Variants in MICALL1 observed in about 807,000 individuals in gnomAD.
The protein encoded by MICALL1 is MICAL-like protein 1.
Under a neutral mutation model 83.7 loss-of-function variants are expected in MICALL1, and 61 were observed. The ratio of observed to expected loss-of-function variants is 0.73; its 90% CI spans 0.59 to 0.90. The LOEUF is 0.90. Among genes scored for constraint, MICALL1 ranks in the 40% least tolerant of loss-of-function variants. The pLI is 0.00. For missense variants in MICALL1, 1,066 were observed against 1,152.0 expected, an observed-to-expected ratio of 0.93 and a Z score of 1.08; for synonymous variants, 481 against 473.6, an observed-to-expected ratio of 1.02 and a Z score of -0.20.
Position 37,914,180 on chromosome 22 carries a change from C to T in MICALL1, c.337+1688C>T, listed in dbSNP as rs527795668. On this transcript the variant is annotated intron_variant, in intron 3 of 15. Transcript: ENST00000215957. ...CATGAGCCACTGCGCCCGGCCCTGGCCCAACTCTTTAAAGTGTTTTATGAA... is the reference window on the plus strand; with the variant it reads ...CATGAGCCACTGCGCCCGGCCCTGGTCCAACTCTTTAAAGTGTTTTATGAA... 2.7e-5 allele frequency among the ~76,000 whole-genome samples: 4 copies of T among 147,688 alleles called. No individual in the cohort carries two copies. The South Asian group carries it at 8.7e-4, about 32-fold the overall frequency.
intron 1 of MICALL1, among the ~76,000 whole-genome samples, chr22:37,910,764 T>C (rs5995517): frequency 0.4 from 60,754 of 152,024 alleles, 12,356 homozygotes; most frequent in Middle Eastern, 0.41. Context: ...TGTGCTTACC[T>C]GGCTCCCTCA....
At chr22:37,913,675 C>G (rs1928482671) in intron 3 of MICALL1, among the ~76,000 whole-genome samples, 2 of 152,084 alleles carry the variant, frequency 1.3e-5, no homozygotes, top group Admixed American at 6.6e-5. Context: ...GCTGGGCCTC[C>G]CCTTCTGCAG....
At chr22:37,914,917 C>T (rs1043122703) in intron 3 of MICALL1, among the ~76,000 whole-genome samples, 1 of 149,792 alleles carries the variant, frequency 6.7e-6, no homozygotes, top group Non-Finnish European at 1.5e-5. Context: ...GCTGGGATTA[C>T]AGGCATGAGC....
chr22:37,927,400 C>A lies in MICALL1; in HGVS notation c.1466-11C>A, dbSNP rs191088167. The A allele has an allele frequency of 6.4e-7, 1 of 1,561,240 alleles. No individual in the cohort carries two copies. Among genetic ancestry groups the A allele is most frequent in the South Asian group, 1.1e-5 (1 of 87,114 alleles). ...TCCCCTTGTGAGGTGTCCTGGTGCT[C>A]GTCCGCACAGCTCTCCACGCCTCCC... On this transcript the variant is annotated splice_polypyrimidine_tract_variant and intron_variant, in intron 8 of 15. Transcript: ENST00000215957.
intron 3 of MICALL1, among the ~76,000 whole-genome samples, chr22:37,917,018 C>T (rs1235790262): frequency 2.6e-5 from 4 of 152,100 alleles, no homozygotes; most frequent in Admixed American, 6.6e-5. Flanking sequence ...ATTATAGGCG[C>T]GCACCACCAT....
intron 9 of MICALL1, among the ~76,000 whole-genome samples, chr22:37,929,387 A>G (rs547708209): frequency 2.0e-5 from 3 of 152,280 alleles, no homozygotes; most frequent in South Asian, 2.1e-4. Context: ...GGGAGGTGCT[A>G]TAATGTACAT....
Position 37,917,586 on chromosome 22 carries a change from C to T in MICALL1, c.338-121C>T, listed in dbSNP as rs545076527. The T allele has an allele frequency of 2.5e-3, 2,119 of 837,972 alleles. 5 individuals carry two copies. Among genetic ancestry groups the T allele is most frequent in the Non-Finnish European group, 3.3e-3 (1,701 of 516,416 alleles). The allele number at this position is 837,972 out of a possible 1,614,324, so 51.9% of individuals were successfully genotyped here. On this transcript the variant is annotated intron_variant, in intron 3 of 15. Transcript: ENST00000215957. ...GAAGCGGGAGCCAGCTCCTGTCCCA[C>T]TGCATTAGGTGGTCTGCCTTTAGGT...
In MICALL1 at chr22:37,922,065, G is replaced by T; in HGVS notation, c.663G>T (p.Leu221=). ...TFVCAEHCAR[L]GPGTRSGTRP... ...TGTGTGCAGAACACTGTGCCAGGCT[G>T]GGCCCGGGGACACGGTCGGGGACCA... The change falls in exon 6 of 16, where the codon CTG becomes CTT. Residue 221 remains leucine (L), a synonymous_variant. Coordinates refer to ENST00000215957, the MANE Select transcript of MICALL1 (RefSeq NM_033386.4). 1 of 1,613,460 alleles carries T rather than the reference G, an allele frequency of 6.2e-7. No individual in the cohort carries two copies. Among genetic ancestry groups the T allele is most frequent in the Non-Finnish European group, 8.5e-7 (1 of 1,180,014 alleles).
At chr22:37,929,197 G>A (rs1929655535) in intron 9 of MICALL1, among the ~76,000 whole-genome samples, 1 of 152,120 alleles carries the variant, frequency 6.6e-6, no homozygotes, top group Admixed American at 6.5e-5. Flanking sequence ...TTTGGAAGGT[G>A]ACCTAGAGTA....
chr22:37,934,745 T>C (rs921925008), intron 13 of MICALL1, among the ~76,000 whole-genome samples: 87 of 150,128 alleles, frequency 5.8e-4, no homozygotes, highest in African/African-American at 1.8e-3. Flanking sequence ...TACAGGCGCC[T>C]GCCACCACGC....
At chr22:37,931,334 G>C (rs1013766608) in intron 9 of MICALL1, among the ~76,000 whole-genome samples, 1 of 152,076 alleles carries the variant, frequency 6.6e-6, no homozygotes, top group African/African-American at 2.4e-5. Context: ...TTGAGCCCAG[G>C]AGTTTGGGAC....
chr22:37,914,686 G>T (rs1345401050), intron 3 of MICALL1, among the ~76,000 whole-genome samples: 2 of 151,904 alleles, frequency 1.3e-5, no homozygotes, highest in African/African-American at 4.8e-5. Context: ...TGTTGCCTAG[G>T]CTGGAGTGCA....
intron 3 of MICALL1, among the ~76,000 whole-genome samples, chr22:37,913,244 G>A (rs535970165): frequency 1.3e-5 from 2 of 152,288 alleles, no homozygotes; most frequent in South Asian, 4.1e-4. Flanking sequence ...GACTACAGAC[G>A]TGAGCCACTG....
chr22:37,934,086 G>A (rs1280932890), intron 13 of MICALL1, among the ~76,000 whole-genome samples: 2 of 152,244 alleles, frequency 1.3e-5, no homozygotes, highest in Admixed American at 6.5e-5. Flanking sequence ...CCACAGCGGC[G>A]CCCTGTGGCC....
chr22:37,924,568 C>T lies in MICALL1; in HGVS notation c.1025-92C>T, dbSNP rs946846028. On this transcript the variant is annotated intron_variant, in intron 6 of 15. Coordinates refer to ENST00000215957, the MANE Select transcript of MICALL1 (RefSeq NM_033386.4). This position sits in a 1 kb window ranked among gnomAD's most constrained non-coding sequence, Gnocchi z 5.2. ...CGAGGGTGCCAGGAGGAAGGCGGGG[C>T]GCTCCTGGGGAGGCAGGTGCTGTGG... 2.4e-5 allele frequency: 30 copies of T among 1,260,386 alleles called. No individual in the cohort carries two copies. Among genetic ancestry groups the T allele is most frequent in the South Asian group, 1.3e-4 (10 of 74,868 alleles). The allele number at this position is 1,260,386 out of a possible 1,614,324, so 78.1% of individuals were successfully genotyped here. A position where few individuals can be genotyped will look rare whatever the true frequency, so the allele number is the denominator to read the frequency against.
Position 37,932,072 on chromosome 22 carries a change from C to T in MICALL1, c.2016+139C>T, listed in dbSNP as rs565032565. On this transcript the variant is annotated intron_variant, in intron 10 of 15. Transcript: ENST00000215957. This position sits in a 1 kb window ranked among gnomAD's most constrained non-coding sequence, Gnocchi z 4.4. ...CAGATGCTCAAGAGAGCACTCTTGG[C>T]GGCCCAACTGGAAGGTCTAGCTTGC... The T allele has an allele frequency of 1.2e-5, 16 of 1,291,540 alleles. 1 individual carries two copies. In the East Asian group the frequency reaches 1.7e-4, roughly 14 times the overall value. The allele number at this position is 1,291,540 out of a possible 1,614,324, so 80.0% of individuals were successfully genotyped here.
chr22:37,907,787 A>G (rs1928058757), intron 1 of MICALL1, among the ~76,000 whole-genome samples: 1 of 152,184 alleles, frequency 6.6e-6, no homozygotes, highest in Non-Finnish European at 1.5e-5. Context: ...GGGGCTGTGG[A>G]TACAGAAGGG....
chr22:37,919,017 C>A lies in MICALL1; in HGVS notation c.427-19C>A. 1 of 1,534,490 alleles carries A rather than the reference C, an allele frequency of 6.5e-7. No homozygotes were observed. Among genetic ancestry groups the A allele is most frequent in the Admixed American group, 2.0e-5 (1 of 50,338 alleles). On this transcript the variant is annotated intron_variant, in intron 4 of 15. Coordinates refer to ENST00000215957, the MANE Select transcript of MICALL1 (RefSeq NM_033386.4). Reference sequence around the variant, plus strand: ...TGACCATGTCCTGCTCCCAACCTCCCCCACCTCGTTCTCTGCAGGGCGAGG... The same window carrying A: ...TGACCATGTCCTGCTCCCAACCTCCACCACCTCGTTCTCTGCAGGGCGAGG...
Position 37,937,049 on chromosome 22 carries a change from C to T in MICALL1, c.2309-31C>T, listed in dbSNP as rs569196391. The stretch of plus-strand genomic sequence containing the variant: ...GGGGAGGAAGAGGGCTTTCCTACCA[C>T]TCATGCCCCCTAACTTTTCTCCCTG... On this transcript the variant is annotated intron_variant, in intron 13 of 15. Transcript: ENST00000215957. 5.1e-4 allele frequency: 790 copies of T among 1,535,484 alleles called. 9 individuals carry two copies. The South Asian group carries it at 8.4e-3, about 16-fold the overall frequency.
Sources: allele counts gnomAD v4.1 joint callset (sites outside exome capture counted in the v4.1 genomes callset), GRCh38; gene constraint gnomAD v4.1.1; non-coding constraint Gnocchi (gnomAD v3.1); transcripts MANE v1.5; gene names NCBI Gene and HGNC (gene_info 2026-07-23, HGNC 2026-07-21).